MKLN1: variants seen among roughly 807,000 people sequenced by gnomAD.
MKLN1 encodes muskelin 1, also known as muskelin.
In MKLN1, 18 loss-of-function variants were observed where a neutral mutation model predicts 99.0. The ratio of observed to expected loss-of-function variants is 0.18; its 90% CI spans 0.13 to 0.27. MKLN1 has a LOEUF of 0.27. Ranked by LOEUF, MKLN1 falls within the 10% of genes least tolerant of loss-of-function variation. The pLI is 1.00. For synonymous variants in MKLN1, 288 were observed against 293.2 expected, an observed-to-expected ratio of 0.98 and a Z score of 0.18; for missense variants, 621 against 875.9, an observed-to-expected ratio of 0.71 and a Z score of 3.67.
intron 3 of MKLN1, among the ~76,000 whole-genome samples, chr7:131,207,388 G>A (rs1796829865): frequency 1.3e-5 from 2 of 151,988 alleles, no homozygotes; most frequent in Admixed American, 1.3e-4. Flanking sequence ...AGTAGAGACA[G>A]GGTTTCGTCA....
intron 8 of MKLN1, among the ~76,000 whole-genome samples, chr7:131,422,990 GT>G (rs1481279310): frequency 6.6e-6 from 1 of 152,106 alleles, no homozygotes; most frequent in Non-Finnish European, 1.5e-5. Flanking sequence ...TGTGACTTGG[GT>G]TTCGACTGGG....
At chr7:131,470,344 TA>T (rs1175884864) in intron 15 of MKLN1, among the ~76,000 whole-genome samples, 4 of 152,228 alleles carry the variant, frequency 2.6e-5, no homozygotes, top group Non-Finnish European at 5.9e-5. Context: ...ATAATCTCAT[TA>T]AAAGTAATCA....
At chr7:131,121,799 A>G (rs1393537989) in intron 1 of MKLN1, among the ~76,000 whole-genome samples, 1 of 152,188 alleles carries the variant, frequency 6.6e-6, no homozygotes, top group Non-Finnish European at 1.5e-5. Flanking sequence ...GAGGTTCATA[A>G]GAGCTGCTGG....
intron 1 of MKLN1, among the ~76,000 whole-genome samples, chr7:131,360,431 T>C (rs1799996388): frequency 6.6e-6 from 1 of 152,194 alleles, no homozygotes; most frequent in Admixed American, 6.5e-5. Context: ...TGTTTTCTCA[T>C]CTCTTAGCAT....
chr7:131,391,192 C>T (rs1402533400), intron 4 of MKLN1, among the ~76,000 whole-genome samples: 1 of 151,950 alleles, frequency 6.6e-6, no homozygotes, highest in Non-Finnish European at 1.5e-5. Context: ...ATGTATAGCT[C>T]TCTTTTGATG....
chr7:131,473,531 TA>T (rs1020282122), intron 16 of MKLN1, among the ~76,000 whole-genome samples: 15 of 152,288 alleles, frequency 9.8e-5, no homozygotes, highest in South Asian at 4.1e-4. Flanking sequence ...TAAAAAATGA[TA>T]TTTTTTTCTA....
At chr7:131,482,664 A>C (rs1017162618) in intron 17 of MKLN1, among the ~76,000 whole-genome samples, 3 of 152,126 alleles carry the variant, frequency 2.0e-5, no homozygotes, top group African/African-American at 7.2e-5. Flanking sequence ...AGGAGTTTGA[A>C]TCCAGCCTGG....
intron 5 of MKLN1, among the ~76,000 whole-genome samples, chr7:131,398,158 G>A (rs1794414802): frequency 6.6e-6 from 1 of 152,056 alleles, no homozygotes; most frequent in African/African-American, 2.4e-5. Context: ...TGATTATCAT[G>A]CAGGCTTCCA....
chr7:131,415,085 AT>A (rs1432186127), intron 8 of MKLN1, among the ~76,000 whole-genome samples: 1 of 151,824 alleles, frequency 6.6e-6, no homozygotes, highest in Non-Finnish European at 1.5e-5. Flanking sequence ...AAGCCTGTAA[AT>A]AATTTAGTTG....
At chr7:131,175,086 A>G (rs995386690) in intron 2 of MKLN1, among the ~76,000 whole-genome samples, 2 of 151,200 alleles carry the variant, frequency 1.3e-5, no homozygotes, top group African/African-American at 4.9e-5. Flanking sequence ...ATGGGGAGAC[A>G]GAGAGATAGG....
intron 17 of MKLN1, among the ~76,000 whole-genome samples, chr7:131,481,632 T>C (rs1797123680): frequency 6.6e-6 from 1 of 152,170 alleles, no homozygotes; most frequent in African/African-American, 2.4e-5. Flanking sequence ...AAATTTGATT[T>C]AGTATTTATA....
At chr7:131,177,251 C>A (rs1284872124) in intron 2 of MKLN1, among the ~76,000 whole-genome samples, 2 of 152,020 alleles carry the variant, frequency 1.3e-5, no homozygotes. Flanking sequence ...GGGTGGATCA[C>A]GAGGTCAGGA....
At chr7:131,237,708 T>C (rs1255274818) in intron 3 of MKLN1, among the ~76,000 whole-genome samples, 1 of 152,158 alleles carries the variant, frequency 6.6e-6, no homozygotes, top group East Asian at 1.9e-4. Flanking sequence ...GAAGCAATGA[T>C]AGACCTGGGT....
chr7:131,242,499 G>A, intron 3 of MKLN1: 1 of 250,310 alleles, frequency 4.0e-6, no homozygotes, highest in South Asian at 4.5e-5. Context: ...TTGCGCCACT[G>A]CCCTCCAGGC....
intron 1 of MKLN1, among the ~76,000 whole-genome samples, chr7:131,364,195 A>C (rs891405848): frequency 6.6e-6 from 1 of 152,104 alleles, no homozygotes; most frequent in African/African-American, 2.4e-5. Context: ...TAGTCTTTTA[A>C]GAAAAAAACG....
At chr7:131,478,509 T>C (rs1026388937) in intron 16 of MKLN1, 114 bp from the exon 17 acceptor site, 14 of 1,060,634 alleles carry the variant, frequency 1.3e-5, no homozygotes, top group African/African-American at 1.3e-4. Flanking sequence ...GTCACACATA[T>C]GCAGAAATAC....
At chr7:131,238,188 G>C (rs1797352662) in intron 3 of MKLN1, among the ~76,000 whole-genome samples, 1 of 152,060 alleles carries the variant, frequency 6.6e-6, no homozygotes, top group South Asian at 2.1e-4. Context: ...CTTGAAGAAG[G>C]CTCAGACTCA....
At chr7:131,320,656 G>C (rs1798757904) in intron 3 of MKLN1, among the ~76,000 whole-genome samples, 1 of 152,046 alleles carries the variant, frequency 6.6e-6, no homozygotes, top group South Asian at 2.1e-4. Flanking sequence ...TACAGAATGA[G>C]AGAAAAATTT....
chr7:131,167,908 A>ATTT (rs1446391659), intron 2 of MKLN1, among the ~76,000 whole-genome samples: 1 of 152,206 alleles, frequency 6.6e-6, no homozygotes, highest in African/African-American at 2.4e-5. Context: ...TATACTTAAA[A>ATTT]TAACAGGATC....
Sources: gnomAD v4.1 joint callset for allele counts (sites outside exome capture counted in the v4.1 genomes callset) on GRCh38, gnomAD v4.1.1 for gene constraint, MANE v1.5 for transcripts, NCBI Gene and HGNC (gene_info 2026-07-23, HGNC 2026-07-21) for gene names.